Variants in DTNB observed in about 807,000 individuals in gnomAD.
DTNB encodes the protein dystrobrevin beta, also known as DTN-B.
DTNB carries 63 observed loss-of-function variants against 90.7 expected under a neutral mutation model. The ratio of observed to expected loss-of-function variants is 0.69; its 90% CI spans 0.57 to 0.86. The LOEUF (loss-of-function observed/expected upper bound fraction) is 0.86. Ranked by LOEUF, DTNB falls within the 40% of genes least tolerant of loss-of-function variation. The pLI is 0.00. For missense variants in DTNB, 744 were observed against 807.1 expected (o/e 0.92, Z 0.95); for synonymous variants, 277 against 286.7 (o/e 0.97, Z 0.34).
At chr2:25,595,449 T>C (rs777937389) in intron 6 of DTNB, among the ~76,000 whole-genome samples, 13 of 152,222 alleles carry the variant, frequency 8.5e-5, no homozygotes, top group East Asian at 1.9e-4. Context: ...GCTTCTTTTA[T>C]CTAATCTCTA....
chr2:25,594,195 A>G (rs2064115058), intron 6 of DTNB, among the ~76,000 whole-genome samples: 1 of 152,232 alleles, frequency 6.6e-6, no homozygotes. Context: ...ACAACCTCAC[A>G]TCATTTGAAA....
chr2:25,399,941 T>C (rs1015908988), intron 16 of DTNB, among the ~76,000 whole-genome samples: 1 of 149,016 alleles, frequency 6.7e-6, no homozygotes. Flanking sequence ...ATTCTGTCAG[T>C]GAGGAATGCT....
intron 10 of DTNB, among the ~76,000 whole-genome samples, chr2:25,468,991 G>A (rs1033724441): frequency 3.3e-5 from 5 of 151,916 alleles, no homozygotes; most frequent in Non-Finnish European, 7.4e-5. Flanking sequence ...TATATTTACC[G>A]AGTATCTATG....
intron 2 of DTNB, among the ~76,000 whole-genome samples, chr2:25,652,044 T>A (rs1377381096): frequency 6.6e-6 from 1 of 152,248 alleles, no homozygotes; most frequent in Admixed American, 6.5e-5. Context: ...AAAACAATCC[T>A]GCAAGGATTG....
chr2:25,377,791 T>C (rs547493248), intron 20 of DTNB, among the ~76,000 whole-genome samples: 1 of 152,274 alleles, frequency 6.6e-6, no homozygotes, highest in African/African-American at 2.4e-5. Flanking sequence ...AATGGGGTGA[T>C]TTCTTGGGGA....
At chr2:25,378,954 G>A (rs2036707137) in intron 20 of DTNB, among the ~76,000 whole-genome samples, 1 of 152,188 alleles carries the variant, frequency 6.6e-6, no homozygotes, top group African/African-American at 2.4e-5. Context: ...AGGAGCATGG[G>A]AGGCAGTGCT....
intron 14 of DTNB, among the ~76,000 whole-genome samples, chr2:25,432,023 C>T (rs756686588): frequency 3.6e-4 from 54 of 151,936 alleles, no homozygotes; most frequent in Non-Finnish European, 6.8e-4. Flanking sequence ...AACAGTAGAA[C>T]ATCTACAGAA....
rs554467491 is a variant in DTNB at position 25,394,069 on chromosome 2, T to C, written c.1576-5708A>G. ...AGGCACATACACCAATGGAACACAA[T>C]AGGGAACCCAGAAATAAAGCCAAAT... On this transcript the variant is annotated intron_variant, in intron 16 of 20. Coordinates refer to ENST00000406818, the MANE Select transcript of DTNB (RefSeq NM_021907.5). 1.1e-4 allele frequency among the ~76,000 whole-genome samples: 16 copies of C among 152,140 alleles called. 1 individual carries two copies. Among genetic ancestry groups the C allele is most frequent in the African/African-American group, 3.9e-4 (16 of 41,506 alleles).
chr2:25,396,181 C>T (rs1267109696), intron 16 of DTNB, among the ~76,000 whole-genome samples: 1 of 152,212 alleles, frequency 6.6e-6, no homozygotes, highest in African/African-American at 2.4e-5. Context: ...GAAAACCAAA[C>T]ATCGTTGTTC....
chr2:25,605,511 T>C (rs2066914656), intron 5 of DTNB, among the ~76,000 whole-genome samples: 1 of 152,246 alleles, frequency 6.6e-6, no homozygotes, highest in African/African-American at 2.4e-5. Flanking sequence ...AACGCAGAAC[T>C]GGAGTAATTT....
intron 6 of DTNB, among the ~76,000 whole-genome samples, chr2:25,593,851 T>C (rs2064040675): frequency 6.6e-6 from 1 of 152,210 alleles, no homozygotes; most frequent in African/African-American, 2.4e-5. Flanking sequence ...TCAGTGTTCA[T>C]CACTGAGAGT....
chr2:25,531,438 G>A, intron 9 of DTNB, 35 bp downstream of exon 9: 3 of 1,594,242 alleles, frequency 1.9e-6, no homozygotes, highest in South Asian at 2.3e-5. Context: ...CCCCATTTCA[G>A]TGTGATCCAC....
chr2:25,613,390 C>T (rs1357620331), intron 4 of DTNB, among the ~76,000 whole-genome samples: 1 of 152,118 alleles, frequency 6.6e-6, no homozygotes, highest in Non-Finnish European at 1.5e-5. Flanking sequence ...CAACCCTTGC[C>T]CCCTCCCTCT....
chr2:25,621,498 G>C (rs2072623833), intron 4 of DTNB, among the ~76,000 whole-genome samples: 2 of 145,824 alleles, frequency 1.4e-5, no homozygotes, highest in South Asian at 4.3e-4. Flanking sequence ...CCAGGCTGAA[G>C]TGCAGTGGTG....
intron 4 of DTNB, among the ~76,000 whole-genome samples, chr2:25,609,657 T>TAC (rs4007298): frequency 0.049 from 6,232 of 126,806 alleles, 206 homozygotes; most frequent in East Asian, 0.18. Flanking sequence ...TAATAGAATG[T>TAC]ACACACACAC....
chr2:25,585,173 C>A (rs941938603), intron 6 of DTNB, among the ~76,000 whole-genome samples: 1 of 152,138 alleles, frequency 6.6e-6, no homozygotes. Flanking sequence ...TGCATTCCCA[C>A]AATTCTCATT....
chr2:25,624,345 T>C (rs1054857528), intron 4 of DTNB, among the ~76,000 whole-genome samples: 3 of 152,186 alleles, frequency 2.0e-5, no homozygotes, highest in African/African-American at 7.2e-5. Flanking sequence ...GTCATGGGTG[T>C]CTAAAAGATG....
chr2:25,415,117 C>T (rs1373288814), intron 16 of DTNB, among the ~76,000 whole-genome samples: 1 of 152,156 alleles, frequency 6.6e-6, no homozygotes, highest in East Asian at 1.9e-4. Flanking sequence ...TCACAGCACC[C>T]AAGCTTTTAA....
chr2:25,425,941 C>G (rs940063040), intron 15 of DTNB, among the ~76,000 whole-genome samples: 1 of 152,176 alleles, frequency 6.6e-6, no homozygotes, highest in Non-Finnish European at 1.5e-5. Flanking sequence ...ACTTCATATG[C>G]CTGTAGTCCT....
Sources: allele counts gnomAD v4.1 joint callset (sites outside exome capture counted in the v4.1 genomes callset), GRCh38; gene constraint gnomAD v4.1.1; transcripts MANE v1.5; gene names NCBI Gene and HGNC (gene_info 2026-07-23, HGNC 2026-07-21).